Variants in PALM2AKAP2 observed in about 807,000 individuals in gnomAD.
PALM2AKAP2 encodes the protein PALM2-AKAP2 fusion protein.
In PALM2AKAP2, 37 loss-of-function variants were observed where a neutral mutation model predicts 71.5. The observed-to-expected ratio is 0.52, with a 90% CI of 0.40 to 0.68. PALM2AKAP2 has a LOEUF of 0.68. PALM2AKAP2 is among the 30% of genes least tolerant of loss of function. The pLI is 0.00. For missense variants in PALM2AKAP2, 1,224 were observed against 1,191.8 expected (o/e 1.03, Z -0.40); for synonymous variants, 468 against 478.8 (o/e 0.98, Z 0.29).
intron 6 of PALM2AKAP2, 90 bp from the exon 7 acceptor site, chr9:110,015,864 C>A: frequency 8.3e-7 from 1 of 1,209,012 alleles, no homozygotes; most frequent in Non-Finnish European, 1.2e-6. Context: ...CTTTACAAGT[C>A]ACATGGGATT....
chr9:110,027,760 T>G (rs989922704), intron 7 of PALM2AKAP2, among the ~76,000 whole-genome samples: 3 of 152,210 alleles, frequency 2.0e-5, no homozygotes, highest in African/African-American at 7.2e-5. Context: ...TTTAGACTCT[T>G]CCGGTGGTGA....
At chr9:109,656,089 C>T (rs188230107) in intron 1 of PALM2AKAP2, among the ~76,000 whole-genome samples, 1 of 152,212 alleles carries the variant, frequency 6.6e-6, no homozygotes, top group Admixed American at 6.5e-5. Flanking sequence ...TAAAATCCTA[C>T]CAGAAAAAGA....
intron 1 of PALM2AKAP2, among the ~76,000 whole-genome samples, chr9:109,668,901 C>T (rs1212479664): frequency 6.6e-6 from 1 of 152,316 alleles, no homozygotes; most frequent in Admixed American, 6.5e-5. Context: ...GGTGCAGATT[C>T]CATGTGATCA....
At chr9:110,035,168 C>T (rs1833359089) in intron 7 of PALM2AKAP2, among the ~76,000 whole-genome samples, 2 of 145,412 alleles carry the variant, frequency 1.4e-5, no homozygotes, top group South Asian at 4.3e-4. Context: ...AAATACTTTA[C>T]CCAATGTACT....
intron 1 of PALM2AKAP2, among the ~76,000 whole-genome samples, chr9:109,717,760 G>T (rs185307067): frequency 5.3e-5 from 8 of 152,316 alleles, no homozygotes; most frequent in Admixed American, 4.6e-4. Flanking sequence ...CTAAGCCCTC[G>T]ACAGAAAAGC....
At chr9:109,858,473 TC>T (rs1275634078) in intron 1 of PALM2AKAP2, among the ~76,000 whole-genome samples, 1 of 152,172 alleles carries the variant, frequency 6.6e-6, no homozygotes, top group Non-Finnish European at 1.5e-5. Flanking sequence ...CCTACTCATT[TC>T]ACAGGCTGGG....
At chr9:110,064,502 A>G (rs924249913) in intron 1 of PALM2AKAP2, among the ~76,000 whole-genome samples, 4 of 152,178 alleles carry the variant, frequency 2.6e-5, no homozygotes, top group Non-Finnish European at 5.9e-5. Flanking sequence ...AGAACATTGG[A>G]AGGCTGAGAT....
At chr9:109,916,607 C>A (rs1830698442) in intron 3 of PALM2AKAP2, among the ~76,000 whole-genome samples, 3 of 152,240 alleles carry the variant, frequency 2.0e-5, no homozygotes. Flanking sequence ...CTCATTTTCT[C>A]CTCTTTTCTA....
chr9:110,151,225 A>G (rs1836306275), intron 2 of PALM2AKAP2, among the ~76,000 whole-genome samples: 1 of 152,014 alleles, frequency 6.6e-6, no homozygotes, highest in Non-Finnish European at 1.5e-5. Context: ...GTATTCATTT[A>G]CTTACTTTTA....
intron 1 of PALM2AKAP2, among the ~76,000 whole-genome samples, chr9:109,866,286 C>A (rs1181015657): frequency 1.3e-5 from 2 of 152,108 alleles, no homozygotes; most frequent in Non-Finnish European, 2.9e-5. Flanking sequence ...TTGTTGTTGT[C>A]CCTAGGATTT....
chr9:109,892,674 A>T (rs868597621), intron 3 of PALM2AKAP2, among the ~76,000 whole-genome samples: 1 of 152,192 alleles, frequency 6.6e-6, no homozygotes, highest in Non-Finnish European at 1.5e-5. Context: ...GGGCATGAAC[A>T]TCCGCGTAAT....
chr9:109,655,248 C>T (rs1177506513), intron 1 of PALM2AKAP2, among the ~76,000 whole-genome samples: 2 of 147,582 alleles, frequency 1.4e-5, no homozygotes, highest in African/African-American at 2.5e-5. Flanking sequence ...CCGCGTGAGC[C>T]GAGATCGGCC....
At chr9:109,750,255 CA>C (rs1828865458) in intron 1 of PALM2AKAP2, among the ~76,000 whole-genome samples, 1 of 152,150 alleles carries the variant, frequency 6.6e-6, no homozygotes, top group African/African-American at 2.4e-5. Flanking sequence ...CTTGCTCAAG[CA>C]CAGGAAATTA....
intron 6 of PALM2AKAP2, among the ~76,000 whole-genome samples, chr9:109,990,990 T>C (rs1043343021): frequency 6.6e-6 from 1 of 152,142 alleles, no homozygotes; most frequent in Admixed American, 6.6e-5. Flanking sequence ...GTCCTCTAAG[T>C]TAGGGCTCAG....
At chr9:109,795,505 T>A (rs138673286) in intron 1 of PALM2AKAP2, among the ~76,000 whole-genome samples, 2,199 of 152,298 alleles carry the variant, frequency 0.014, 20 homozygotes, top group Non-Finnish European at 0.024. Flanking sequence ...AAATGGTAAA[T>A]CCTTAAGCTT....
chr9:109,712,945 A>G (rs1828263436), intron 1 of PALM2AKAP2, among the ~76,000 whole-genome samples: 1 of 152,244 alleles, frequency 6.6e-6, no homozygotes, highest in Non-Finnish European at 1.5e-5. Context: ...CCTGCTTTCT[A>G]AAGCACAAAG....
chr9:110,104,089 G>C (rs1394547226), intron 1 of PALM2AKAP2, among the ~76,000 whole-genome samples: 3 of 144,684 alleles, frequency 2.1e-5, no homozygotes, highest in Non-Finnish European at 3.0e-5. Flanking sequence ...CCCATATGCT[G>C]GTTTGTTTGT....
At chr9:110,009,154 T>A (rs1365966144) in intron 6 of PALM2AKAP2, among the ~76,000 whole-genome samples, 1 of 152,172 alleles carries the variant, frequency 6.6e-6, no homozygotes, top group Non-Finnish European at 1.5e-5. Flanking sequence ...CTTTCTCTCT[T>A]ACTCTGTTTT....
At chr9:110,136,415 C>G in exon 2 of PALM2AKAP2, 1 of 1,614,198 alleles carries the variant, frequency 6.2e-7, no homozygotes, top group East Asian at 2.2e-5. Flanking sequence ...AGATGAGGTG[C>G]TAGAGGCCAA....
Sources: gnomAD v4.1 joint callset for allele counts (sites outside exome capture counted in the v4.1 genomes callset) on GRCh38, gnomAD v4.1.1 for gene constraint, MANE v1.5 for transcripts, NCBI Gene and HGNC (gene_info 2026-07-23, HGNC 2026-07-21) for gene names.